FARS2: variants seen among roughly 807,000 people sequenced by gnomAD.
FARS2 encodes the protein phenylalanyl-tRNA synthetase 2, mitochondrial, also known as phenylalanine--tRNA ligase, mitochondrial.
Under a neutral mutation model 46.4 loss-of-function variants are expected in FARS2, and 40 were observed. That is an observed-to-expected ratio of 0.86 (90% confidence interval 0.67 to 1.12). The LOEUF (loss-of-function observed/expected upper bound fraction) is 1.12, where lower values mean the gene tolerates loss of function less well. FARS2 is among the 50% of genes most tolerant of loss of function. The pLI, the probability that FARS2 is intolerant of heterozygous loss-of-function variation, is 0.00. For missense variants in FARS2, 513 were observed against 567.9 expected, an observed-to-expected ratio of 0.90 and a Z score of 0.98; for synonymous variants, 234 against 214.9, an observed-to-expected ratio of 1.09 and a Z score of -0.78.
At chr6:5,759,644 A>AG (rs1686166282) in intron 6 of FARS2, among the ~76,000 whole-genome samples, 1 of 152,164 alleles carries the variant, frequency 6.6e-6, no homozygotes, top group Non-Finnish European at 1.5e-5. Flanking sequence ...TTTCCTAGCC[A>AG]GGGCTGTCAT....
chr6:5,330,096 C>T (rs774495231), intron 1 of FARS2, among the ~76,000 whole-genome samples: 11 of 152,044 alleles, frequency 7.2e-5, no homozygotes, highest in Non-Finnish European at 1.6e-4. Flanking sequence ...AGAAATTCTA[C>T]GGGATTTAGG....
chr6:5,708,878 G>C (rs144968261), intron 6 of FARS2, among the ~76,000 whole-genome samples: 1,715 of 152,228 alleles, frequency 0.011, 34 homozygotes, highest in African/African-American at 0.039. Flanking sequence ...TGCCCAGGCT[G>C]GTCTTGAAAT....
chr6:5,664,918 G>A (rs1160395885), intron 6 of FARS2: 2 of 152,092 alleles, frequency 1.3e-5, no homozygotes, highest in Non-Finnish European at 2.9e-5. Flanking sequence ...CTCTTCATCT[G>A]GTTTCCTGTA....
intron 6 of FARS2, among the ~76,000 whole-genome samples, chr6:5,631,369 A>T (rs568482743): frequency 6.6e-6 from 1 of 152,264 alleles, no homozygotes; most frequent in Non-Finnish European, 1.5e-5. Flanking sequence ...TCTCAAGACA[A>T]CTAGTCTGAA....
chr6:5,581,378 TA>T (rs1773317701), intron 5 of FARS2, among the ~76,000 whole-genome samples: 1 of 152,222 alleles, frequency 6.6e-6, no homozygotes, highest in Non-Finnish European at 1.5e-5. Context: ...AGAAAGCCTT[TA>T]AATGAGTTAT....
chr6:5,598,162 G>A (rs1399532411), intron 5 of FARS2, among the ~76,000 whole-genome samples: 1 of 152,118 alleles, frequency 6.6e-6, no homozygotes, highest in African/African-American at 2.4e-5. Flanking sequence ...CAAGGTGGGA[G>A]GATTGCTTGA....
chr6:5,272,046 T>C (rs1295968862), intron 1 of FARS2, among the ~76,000 whole-genome samples: 2 of 152,130 alleles, frequency 1.3e-5, no homozygotes, highest in African/African-American at 4.8e-5. Flanking sequence ...ATAATGCATG[T>C]TTTAAATGGG....
chr6:5,362,233 G>GGA (rs1758350485), intron 1 of FARS2, among the ~76,000 whole-genome samples: 1 of 152,118 alleles, frequency 6.6e-6, no homozygotes, highest in South Asian at 2.1e-4. Flanking sequence ...GCCATTTATT[G>GGA]AGTACCTGTT....
chr6:5,543,478 C>T lies in FARS2; in HGVS notation c.905-1702C>T, dbSNP rs1413425856. Among the ~76,000 whole-genome samples the T allele has an allele frequency of 2.0e-5, 3 of 151,406 alleles. No individual in the cohort carries two copies. The East Asian group carries it at 5.9e-4, about 30-fold the overall frequency. On this transcript the variant is annotated intron_variant, in intron 4 of 6. Transcript: ENST00000274680. ...CTCCCAGGTTCAAGCAGTTTTCTTG[C>T]CTCAGCCTCCCGAGTAGCTGGGATT...
At chr6:5,493,738 GGAAT>G (rs1461104334) in intron 4 of FARS2, among the ~76,000 whole-genome samples, 1 of 152,140 alleles carries the variant, frequency 6.6e-6, no homozygotes, top group Non-Finnish European at 1.5e-5. Context: ...GAAAGCACCC[GGAAT>G]GAATGAAGGT....
intron 2 of FARS2, among the ~76,000 whole-genome samples, chr6:5,370,310 T>C (rs1452116771): frequency 5.9e-5 from 9 of 151,970 alleles, no homozygotes; most frequent in Admixed American, 5.9e-4. Context: ...GATAATACAG[T>C]AATAGCTTAG....
chr6:5,392,744 AC>A (rs1760608776), intron 2 of FARS2, among the ~76,000 whole-genome samples: 1 of 21,676 alleles, frequency 4.6e-5, no homozygotes, highest in Non-Finnish European at 8.0e-5. Context: ...ATACACACAC[AC>A]ACACACACAC....
intron 6 of FARS2, among the ~76,000 whole-genome samples, chr6:5,651,027 G>T (rs1322511029): frequency 6.6e-6 from 1 of 152,210 alleles, no homozygotes. Flanking sequence ...TTGAACATAA[G>T]CTTTAACCTC....
At chr6:5,261,024 C>A (rs1404848407), upstream of FARS2, 4 of 995,140 alleles carry the variant, frequency 4.0e-6, no homozygotes, top group African/African-American at 5.1e-5. Flanking sequence ...CCCGGAGGCT[C>A]GGGACCCAGC....
intron 4 of FARS2, chr6:5,466,547 G>C: frequency 1.0e-6 from 1 of 985,350 alleles, no homozygotes. Flanking sequence ...TTGTTTGTTT[G>C]TTATTCCCTA....
intron 4 of FARS2, among the ~76,000 whole-genome samples, chr6:5,461,738 G>A (rs547916238): frequency 1.3e-4 from 20 of 152,202 alleles, no homozygotes; most frequent in African/African-American, 4.6e-4. Flanking sequence ...AGTGTTTTGC[G>A]GTTCATCCTA....
chr6:5,489,692 C>T (rs547858593), intron 4 of FARS2, among the ~76,000 whole-genome samples: 1 of 152,242 alleles, frequency 6.6e-6, no homozygotes, highest in East Asian at 1.9e-4. Context: ...GCATATTAGT[C>T]TTCAGATAGG....
In FARS2 at chr6:5,266,644, T is replaced by C. The variant is rs117254290; in HGVS notation, c.-22+4984T>C. ...ATACAACACTGCTTCACAGATAAAGTACCAGCTTCAGGAATTGGAAGGTTA... is the reference window on the plus strand; with the variant it reads ...ATACAACACTGCTTCACAGATAAAGCACCAGCTTCAGGAATTGGAAGGTTA... On this transcript the variant is annotated intron_variant, in intron 1 of 6. Coordinates refer to ENST00000274680, the MANE Select transcript of FARS2 (RefSeq NM_006567.5). Among the ~76,000 whole-genome samples, 8 of 152,344 alleles carry C rather than the reference T, an allele frequency of 5.3e-5. No individual in the cohort carries two copies. The East Asian group carries it at 1.5e-3, about 29-fold the overall frequency.
At chr6:5,712,597 A>G (rs1759243178) in intron 6 of FARS2, among the ~76,000 whole-genome samples, 1 of 152,244 alleles carries the variant, frequency 6.6e-6, no homozygotes, top group Admixed American at 6.5e-5. Flanking sequence ...GGCTAGGAGA[A>G]GCGAATTCAC....
Sources: gnomAD v4.1 joint callset for allele counts (sites outside exome capture counted in the v4.1 genomes callset) on GRCh38, gnomAD v4.1.1 for gene constraint, MANE v1.5 for transcripts, NCBI Gene and HGNC (gene_info 2026-07-23, HGNC 2026-07-21) for gene names.